Variants in HMOX2 observed in about 807,000 individuals in gnomAD.
The protein encoded by HMOX2 is heme oxygenase 2.
In HMOX2, 30 loss-of-function variants were observed where a neutral mutation model predicts 33.7. The observed-to-expected ratio is 0.89, with a 90% CI of 0.67 to 1.21. The LOEUF (loss-of-function observed/expected upper bound fraction) is 1.21, where lower values mean the gene tolerates loss of function less well. Ranked by LOEUF, HMOX2 falls within the 50% of genes most tolerant of loss-of-function variation. The probability of loss-of-function intolerance (pLI) is 0.00; values close to 1 mark genes in which losing one functional copy is unlikely to be tolerated. For missense variants in HMOX2, 403 were observed against 399.1 expected (o/e 1.01, Z -0.08); for synonymous variants, 155 against 155.0 (o/e 1.00, Z 0.00).
intron 1 of HMOX2, among the ~76,000 whole-genome samples, chr16:4,494,658 C>G (rs17881977): frequency 6.6e-6 from 1 of 151,410 alleles, no homozygotes; most frequent in Admixed American, 6.6e-5. Context: ...GCAGGCAGAT[C>G]GCTTGAGTCC....
rs752716652 is a variant in HMOX2 at position 4,507,881 on chromosome 16, G to A, written c.373G>A (p.Val125Met). The change falls in exon 4 of 6, where the codon GTG becomes ATG. Residue 125 changes from valine (V) to methionine (M), a missense_variant. Physicochemically the swap from Val to Met is conservative, Grantham distance 21 (BLOSUM62 1). Coordinates refer to ENST00000570646, the MANE Select transcript of HMOX2 (RefSeq NM_002134.4). ...CTTTGGTGAAAACTGGGAGGAGCAG[G>A]TGCAGTGCCCCAAGGCTGCCCAGAA... ...YFFGENWEEQ[V>M]QCPKAAQKYV... 1.9e-6 allele frequency: 3 copies of A among 1,614,198 alleles called. No homozygotes were observed. The highest frequency in any genetic ancestry group is 1.7e-6 in the Non-Finnish European group (2 of 1,180,044).
At chr16:4,478,273 T>C (rs928420127) in intron 1 of HMOX2, among the ~76,000 whole-genome samples, 17 of 152,184 alleles carry the variant, frequency 1.1e-4, no homozygotes, top group African/African-American at 4.1e-4. Context: ...AATAAAGCAT[T>C]GACCGCCTTT....
chr16:4,485,609 A>G (rs1596449100), intron 1 of HMOX2, among the ~76,000 whole-genome samples: 1 of 152,194 alleles, frequency 6.6e-6, no homozygotes, highest in South Asian at 2.1e-4. Flanking sequence ...AAGAAAGAAG[A>G]AACCCTTCTT....
chr16:4,484,705 C>A (rs948422484), intron 1 of HMOX2, among the ~76,000 whole-genome samples: 1 of 152,030 alleles, frequency 6.6e-6, no homozygotes, highest in Non-Finnish European at 1.5e-5. Flanking sequence ...AGGTGAGCCG[C>A]CTGCCGCGGG....
intron 1 of HMOX2, among the ~76,000 whole-genome samples, chr16:4,500,032 G>T (rs1483129200): frequency 1.3e-5 from 2 of 152,192 alleles, no homozygotes; most frequent in African/African-American, 4.8e-5. Flanking sequence ...ACTCAGGTTG[G>T]ATGCTCCCCA....
intron 1 of HMOX2, among the ~76,000 whole-genome samples, chr16:4,483,058 G>A (rs1206373232): frequency 6.6e-6 from 1 of 152,004 alleles, no homozygotes; most frequent in African/African-American, 2.4e-5. Context: ...TAGCCAGATG[G>A]AAGAGATGTA....
intron 1 of HMOX2, chr16:4,502,745 GTC>G (rs2058588883): frequency 6.6e-6 from 1 of 152,196 alleles, no homozygotes; most frequent in Admixed American, 6.5e-5. Context: ...TTGAGACAGA[GTC>G]TTACTTTGTC....
chr16:4,508,324 A>T, intron 4 of HMOX2, 120 bp downstream of exon 4: 2 of 1,219,138 alleles, frequency 1.6e-6, no homozygotes, highest in South Asian at 3.1e-5. Context: ...CAGGGTGCCG[A>T]GAGGAAGGTG....
chr16:4,477,222 G>A lies in HMOX2; in HGVS notation c.-42+735G>A, dbSNP rs527368527. Among the ~76,000 whole-genome samples, 77 of 152,272 alleles carry A rather than the reference G, an allele frequency of 5.1e-4. 1 individual carries two copies. Among genetic ancestry groups the A allele is most frequent in the African/African-American group, 1.8e-3 (75 of 41,550 alleles). ...ATGCCATTTAAATCGCGTCTGGGCCGGGTCGGTGGCTCACGCCTGTAATTC... is the reference window on the plus strand; with the variant it reads ...ATGCCATTTAAATCGCGTCTGGGCCAGGTCGGTGGCTCACGCCTGTAATTC... On this transcript the variant is annotated intron_variant, in intron 1 of 5. Transcript: ENST00000570646.
At chr16:4,503,735 T>C (rs1427876988) in intron 1 of HMOX2, among the ~76,000 whole-genome samples, 2 of 152,226 alleles carry the variant, frequency 1.3e-5, no homozygotes, top group Non-Finnish European at 2.9e-5. Context: ...TGTACTATAA[T>C]ATCCTAAAAG....
intron 1 of HMOX2, among the ~76,000 whole-genome samples, chr16:4,481,017 C>A (rs997391077): frequency 6.6e-6 from 1 of 151,468 alleles, no homozygotes; most frequent in Non-Finnish European, 1.5e-5. Context: ...ACTATTAAAG[C>A]ACTGTGCTGA....
At position 4,510,010 on chromosome 16, in the gene HMOX2, T is replaced by A; in HGVS notation, c.*254T>A. 1.9e-6 allele frequency: 1 copy of A among 530,514 alleles called. No homozygotes were observed. Among genetic ancestry groups the A allele is most frequent in the Non-Finnish European group, 3.4e-6 (1 of 295,916 alleles). The allele number at this position is 530,514 out of a possible 1,614,324, so 32.9% of individuals were successfully genotyped here. A position where few individuals can be genotyped will look rare whatever the true frequency, so the allele number is the denominator to read the frequency against. The stretch of plus-strand genomic sequence containing the variant: ...CAGCAAGCCTGGCCCCCGACCCAGC[T>A]CTACTCCAGGCTTCCACACTTCTGG... On this transcript the variant is annotated 3_prime_UTR_variant, in exon 6 of 6. Coordinates refer to ENST00000570646, the MANE Select transcript of HMOX2 (RefSeq NM_002134.4).
intron 1 of HMOX2, among the ~76,000 whole-genome samples, chr16:4,479,194 C>G (rs2057951355): frequency 6.6e-6 from 1 of 151,984 alleles, no homozygotes; most frequent in Non-Finnish European, 1.5e-5. Context: ...AAGTAGGATG[C>G]TAGCACATAC....
rs1467656919 is a variant in HMOX2, at chr16:4,494,736, A to C, written c.-41-10748A>C. Reference sequence around the variant, plus strand: ...TTTACTAAAAATACAAAAATTAGCCAGGTGTGGTGGCGTGTGCCTGTAGTC... The same window carrying C: ...TTTACTAAAAATACAAAAATTAGCCCGGTGTGGTGGCGTGTGCCTGTAGTC... On this transcript the variant is annotated intron_variant, in intron 1 of 5. Coordinates refer to ENST00000570646, the MANE Select transcript of HMOX2 (RefSeq NM_002134.4). Among the ~76,000 whole-genome samples the C allele has an allele frequency of 2.0e-5, 3 of 152,092 alleles. No individual in the cohort carries two copies. In the East Asian group the frequency reaches 5.8e-4, roughly 29 times the overall value.
chr16:4,508,430 G>A (rs2058749840), intron 4 of HMOX2, among the ~76,000 whole-genome samples: 1 of 152,184 alleles, frequency 6.6e-6, no homozygotes, highest in African/African-American at 2.4e-5. Context: ...GTTTTGGGAA[G>A]GGTGAGTCCT....
rs201052620 is a variant in HMOX2, at chr16:4,507,999, G to A, written c.491G>A (p.Gly164Asp). The change falls in exon 4 of 6, where the codon GGC becomes GAC. Residue 164 changes from glycine to aspartate, a missense_variant. Transcript: ENST00000570646. ...CGCTACATGGGGGATCTCTCGGGGG[G>A]CCAGGTGCTGAAGAAGGTGGCCCAG... is the stretch of plus-strand genomic sequence containing the variant. ...YTRYMGDLSG[G>D]QVLKKVAQRA... 3 of 1,613,890 alleles carry A rather than the reference G, an allele frequency of 1.9e-6. No homozygotes were observed. Among genetic ancestry groups the A allele is most frequent in the African/African-American group, 1.3e-5 (1 of 74,996 alleles).
At chr16:4,487,558 C>G (rs1169600738) in intron 1 of HMOX2, among the ~76,000 whole-genome samples, 1 of 152,114 alleles carries the variant, frequency 6.6e-6, no homozygotes, top group South Asian at 2.1e-4. Flanking sequence ...AATCCCAGCA[C>G]GTTGGGAGGC....
At chr16:4,478,920 C>T (rs1463338691) in intron 1 of HMOX2, among the ~76,000 whole-genome samples, 2 of 152,096 alleles carry the variant, frequency 1.3e-5, no homozygotes, top group Non-Finnish European at 2.9e-5. Context: ...TTTGGGAGAC[C>T]AAGGCGGGTG....
intron 1 of HMOX2, among the ~76,000 whole-genome samples, chr16:4,500,506 G>C (rs975673236): frequency 6.6e-6 from 1 of 152,112 alleles, no homozygotes; most frequent in Non-Finnish European, 1.5e-5. Context: ...TCAGTCTGCT[G>C]TTGCTTACTC....
Sources: allele counts gnomAD v4.1 joint callset (sites outside exome capture counted in the v4.1 genomes callset), GRCh38; gene constraint gnomAD v4.1.1; transcripts MANE v1.5; gene names NCBI Gene and HGNC (gene_info 2026-07-23, HGNC 2026-07-21).